The following ERBB4 variants were observed in gnomAD, a reference collection of about 807,000 sequenced individuals.
The protein encoded by ERBB4 is erb-b2 receptor tyrosine kinase 4, also known as receptor tyrosine-protein kinase erbB-4.
A neutral mutation model predicts 158.0 loss-of-function variants in ERBB4; 42 were observed. That is an observed-to-expected ratio of 0.27 (90% CI 0.21 to 0.34). The LOEUF (loss-of-function observed/expected upper bound fraction) is 0.34, where lower values mean the gene tolerates loss of function less well. ERBB4 is among the 10% of genes least tolerant of loss of function. ERBB4 has a pLI of 1.00. For missense variants in ERBB4, 1,333 were observed against 1,624.1 expected, an observed-to-expected ratio of 0.82 and a Z score of 3.08; for synonymous variants, 583 against 558.7, an observed-to-expected ratio of 1.04 and a Z score of -0.61.
chr2:211,546,750 A>G (rs2066951043), intron 20 of ERBB4, among the ~76,000 whole-genome samples: 1 of 152,116 alleles, frequency 6.6e-6, no homozygotes, highest in Non-Finnish European at 1.5e-5. Context: ...GTACAAATCC[A>G]TAGAGGATAC....
intron 2 of ERBB4, among the ~76,000 whole-genome samples, chr2:211,975,079 C>T (rs760413135): frequency 3.9e-5 from 6 of 152,064 alleles, no homozygotes; most frequent in Non-Finnish European, 7.4e-5. Flanking sequence ...AAAGTCCTGG[C>T]TCAAGTGATC....
intron 2 of ERBB4, among the ~76,000 whole-genome samples, chr2:211,989,445 T>C (rs1021226780): frequency 9.3e-4 from 142 of 151,948 alleles, no homozygotes; most frequent in African/African-American, 3.3e-3. Flanking sequence ...ATTCATCCTA[T>C]GTTTCAATAA....
In ERBB4 at chr2:212,364,914, A is replaced by T. The variant is rs376687915; in HGVS notation, c.82+173535T>A. The stretch of plus-strand genomic sequence containing the variant: ...GTGTGTGCGTCTGTGTGTGTGTGTG[A>T]GTGTGTGTGTGTGTGTGTGTGTGTT... On this transcript the variant is annotated intron_variant, in intron 1 of 27. Coordinates refer to ENST00000342788, the MANE Select transcript of ERBB4 (RefSeq NM_005235.3). Among the ~76,000 whole-genome samples the T allele has an allele frequency of 5.4e-5, 8 of 148,010 alleles. No homozygotes were observed. In the East Asian group the frequency reaches 6.0e-4, roughly 11 times the overall value.
chr2:212,386,223 T>C (rs1277114686), intron 1 of ERBB4, among the ~76,000 whole-genome samples: 1 of 152,070 alleles, frequency 6.6e-6, no homozygotes. Context: ...AAACACTTAT[T>C]GCCAAACTTC....
At chr2:212,444,387 C>A (rs1317743267) in intron 1 of ERBB4, among the ~76,000 whole-genome samples, 1 of 152,164 alleles carries the variant, frequency 6.6e-6, no homozygotes, top group East Asian at 1.9e-4. Context: ...ATATACTGTT[C>A]ATGGGTCATA....
intron 21 of ERBB4, among the ~76,000 whole-genome samples, chr2:211,429,214 TA>T (rs1359090623): frequency 6.6e-6 from 1 of 152,172 alleles, no homozygotes; most frequent in Non-Finnish European, 1.5e-5. Context: ...TGAGATTTGT[TA>T]TACTTTCAGT....
At chr2:211,407,353 G>C (rs1173101086) in intron 25 of ERBB4, among the ~76,000 whole-genome samples, 4 of 152,106 alleles carry the variant, frequency 2.6e-5, no homozygotes, top group African/African-American at 4.8e-5. Flanking sequence ...AGAGACTGTA[G>C]TAGGCTCCAA....
At chr2:211,413,249 A>C (rs567935569) in intron 25 of ERBB4, among the ~76,000 whole-genome samples, 3 of 147,442 alleles carry the variant, frequency 2.0e-5, no homozygotes, top group East Asian at 4.0e-4. Flanking sequence ...ACTGCAGTGA[A>C]CCATGAATGA....
At chr2:211,455,802 G>A (rs933965823) in intron 20 of ERBB4, among the ~76,000 whole-genome samples, 1 of 152,048 alleles carries the variant, frequency 6.6e-6, no homozygotes, top group African/African-American at 2.4e-5. Context: ...GAGCTTCTTC[G>A]TGTCCTCTCA....
intron 2 of ERBB4, among the ~76,000 whole-genome samples, chr2:211,978,624 C>T (rs919689803): frequency 6.6e-6 from 1 of 152,132 alleles, no homozygotes; most frequent in Non-Finnish European, 1.5e-5. Context: ...ATCTTCTGAT[C>T]AAGAATATCT....
At chr2:211,465,146 G>A (rs1017627439) in intron 20 of ERBB4, among the ~76,000 whole-genome samples, 28 of 151,856 alleles carry the variant, frequency 1.8e-4, no homozygotes, top group African/African-American at 6.0e-4. Context: ...CACACCCAGC[G>A]AGCTTACATT....
chr2:211,446,677 T>C (rs970095971), intron 20 of ERBB4, among the ~76,000 whole-genome samples: 3 of 152,126 alleles, frequency 2.0e-5, no homozygotes, highest in Non-Finnish European at 4.4e-5. Context: ...TTTTTAAAAC[T>C]TAATTTTAAG....
At chr2:212,348,460 C>T (rs75036441) in intron 1 of ERBB4, among the ~76,000 whole-genome samples, 1,526 of 152,156 alleles carry the variant, frequency 0.01, 30 homozygotes, top group African/African-American at 0.035. Flanking sequence ...TTATTACTTA[C>T]AGCTAATAAT....
chr2:212,456,393 G>C (rs1477386000), intron 1 of ERBB4, among the ~76,000 whole-genome samples: 3 of 151,952 alleles, frequency 2.0e-5, no homozygotes, highest in Non-Finnish European at 4.4e-5. Context: ...GCCCAAATCT[G>C]ATGGGATAAA....
intron 20 of ERBB4, among the ~76,000 whole-genome samples, chr2:211,552,422 T>A (rs1411895813): frequency 6.6e-6 from 1 of 152,070 alleles, no homozygotes; most frequent in Non-Finnish European, 1.5e-5. Flanking sequence ...TTTTTAAAAT[T>A]TTTTTTGGAA....
intron 16 of ERBB4, among the ~76,000 whole-genome samples, chr2:211,651,920 C>A (rs2071003696): frequency 6.6e-6 from 1 of 152,144 alleles, no homozygotes; most frequent in Admixed American, 6.6e-5. Flanking sequence ...TATGCCATGC[C>A]TGTAATTTTA....
At chr2:212,423,624 A>G (rs2091845950) in intron 1 of ERBB4, among the ~76,000 whole-genome samples, 1 of 152,214 alleles carries the variant, frequency 6.6e-6, no homozygotes, top group Admixed American at 6.6e-5. Flanking sequence ...AAATGATTAA[A>G]TGTTAATTGC....
rs77057549 is a variant in ERBB4, at chr2:212,193,889, G to A, written c.83-68986C>T. ...ATGTTTGTGGTAGACTTTCAAGACT[G>A]TTGAGTGTGTAGTTTATCTAAATAC... On this transcript the variant is annotated intron_variant, in intron 1 of 27. Transcript: ENST00000342788. 1.5e-4 allele frequency among the ~76,000 whole-genome samples: 23 copies of A among 152,094 alleles called. No individual in the cohort carries two copies. The East Asian group carries it at 4.4e-3, about 29-fold the overall frequency.
chr2:211,689,907 G>A (rs1386963362), intron 12 of ERBB4, among the ~76,000 whole-genome samples: 1 of 151,688 alleles, frequency 6.6e-6, no homozygotes, highest in Non-Finnish European at 1.5e-5. Flanking sequence ...ACTGTACGGT[G>A]TCACGAGTCT....
Sources: allele counts gnomAD v4.1 joint callset (sites outside exome capture counted in the v4.1 genomes callset), GRCh38; gene constraint gnomAD v4.1.1; transcripts MANE v1.5; gene names NCBI Gene and HGNC (gene_info 2026-07-23, HGNC 2026-07-21).